Variants in MAFF observed in about 807,000 individuals in gnomAD.
MAFF encodes MAF bZIP transcription factor F.
MAFF carries 4 observed loss-of-function variants against 2.7 expected under a neutral mutation model. The observed-to-expected ratio is 1.48, with a 90% confidence interval of 0.73 to 3.39. The LOEUF is 3.39. Ranked by LOEUF, MAFF falls within the 30% of genes most tolerant of loss-of-function variation. The probability of loss-of-function intolerance (pLI) is 0.01; values close to 1 mark genes in which losing one functional copy is unlikely to be tolerated. For synonymous variants in MAFF, 113 were observed against 119.4 expected (o/e 0.95, Z 0.35); for missense variants, 190 against 246.6 (o/e 0.77, Z 1.54).
At position 38,214,864 on chromosome 22, in the gene MAFF, G is replaced by A; in HGVS notation, c.481G>A (p.Ala161Thr). The change falls in exon 3 of 3, where the codon GCC becomes ACC. Residue 161 changes from alanine (A) to threonine (T), a missense_variant. By Grantham distance (58) the Ala-to-Thr change is moderately conservative. Coordinates refer to ENST00000338483, the MANE Select transcript of MAFF (RefSeq NM_012323.4). This position sits in a 1 kb window ranked among gnomAD's most constrained non-coding sequence, Gnocchi z 6.3. ...CGGCCCGGACCCCGCCCACGGCCCG[G>A]CCTCCTGCTCCTAGTGCCCGCCCCC... ...AHGPDPAHGPASCS is the reference protein window; with the variant it reads ...AHGPDPAHGPTSCS 1 of 1,510,690 alleles carries A rather than the reference G, an allele frequency of 6.6e-7. No individual in the cohort carries two copies. The highest frequency in any genetic ancestry group is 1.2e-5 in the South Asian group (1 of 80,676). 93.6% of individuals were successfully genotyped at this position (1,510,690 alleles called of 1,614,324 possible).
Position 38,202,249 on chromosome 22 carries a change from C to A in MAFF, c.-32+37C>A, listed in dbSNP as rs1393540681. On this transcript the variant is annotated intron_variant, in intron 1 of 2. Transcript: ENST00000338483. The surrounding 1 kb of genome is among the most constrained non-coding windows in gnomAD (Gnocchi z 7.4). The stretch of plus-strand genomic sequence containing the variant: ...GGGACCAGGAGGACGGTGCGCGGGA[C>A]CCCAAGGCGGCAGGGTTTCTGCGTC... 1 of 152,262 alleles carries A rather than the reference C, an allele frequency of 6.6e-6. No homozygotes were observed. Among genetic ancestry groups the A allele is most frequent in the Non-Finnish European group, 1.5e-5 (1 of 68,098 alleles). The allele number at this position is 152,262 out of a possible 1,614,324, so 9.4% of individuals were successfully genotyped here.
At chr22:38,212,828 T>C (rs929315794) in intron 1 of MAFF, among the ~76,000 whole-genome samples, 4 of 152,126 alleles carry the variant, frequency 2.6e-5, no homozygotes, top group African/African-American at 9.7e-5. Flanking sequence ...GGTGCACATA[T>C]GCTGTGTGTA....
intron 1 of MAFF, among the ~76,000 whole-genome samples, chr22:38,209,281 G>A (rs1446138033): frequency 6.6e-6 from 1 of 151,802 alleles, no homozygotes; most frequent in Non-Finnish European, 1.5e-5. Flanking sequence ...TAGCCAGGAT[G>A]GTCTCAATCT....
Position 38,216,087 on chromosome 22 carries a change from A to G in MAFF, c.*1209A>G, listed in dbSNP as rs951554031. ...GAAAGCCGGAGAGCAACAACAAAAAATGTTTAAGCCGGGCGCGGTGGCTCA... is the reference window on the plus strand; with the variant it reads ...GAAAGCCGGAGAGCAACAACAAAAAGTGTTTAAGCCGGGCGCGGTGGCTCA... On this transcript the variant is annotated 3_prime_UTR_variant, in exon 3 of 3. Transcript: ENST00000338483. 15 of 167,056 alleles carry G rather than the reference A, an allele frequency of 9.0e-5. No individual in the cohort carries two copies. Among genetic ancestry groups the G allele is most frequent in the Non-Finnish European group, 2.2e-4 (15 of 68,136 alleles). 10.3% of individuals were successfully genotyped at this position (167,056 alleles called of 1,614,324 possible).
At position 38,215,022 on chromosome 22, in the gene MAFF, C is replaced by A; in HGVS notation, c.*144C>A. ...CACACATTCCCTTCGTGGGCCCTGTCTTCCTCTTGCAGCCCCCCAAACTGG... is the reference window on the plus strand; with the variant it reads ...CACACATTCCCTTCGTGGGCCCTGTATTCCTCTTGCAGCCCCCCAAACTGG... On this transcript the variant is annotated 3_prime_UTR_variant, in exon 3 of 3. Transcript: ENST00000338483. 1 of 670,056 alleles carries A rather than the reference C, an allele frequency of 1.5e-6. No individual in the cohort carries two copies. Among genetic ancestry groups the A allele is most frequent in the South Asian group, 1.7e-5 (1 of 57,406 alleles). 41.5% of individuals were successfully genotyped at this position (670,056 alleles called of 1,614,324 possible). A position where few individuals can be genotyped will look rare whatever the true frequency, so the allele number is the denominator to read the frequency against.
chr22:38,204,704 G>T (rs1296889191), intron 1 of MAFF, among the ~76,000 whole-genome samples: 5 of 152,208 alleles, frequency 3.3e-5, no homozygotes, highest in African/African-American at 1.2e-4. Context: ...CTGCCCGCTT[G>T]TCCCTTTGGG....
At chr22:38,210,173 G>A (rs1364715918) in intron 1 of MAFF, among the ~76,000 whole-genome samples, 1 of 152,186 alleles carries the variant, frequency 6.6e-6, no homozygotes, top group Non-Finnish European at 1.5e-5. Context: ...TCCTGACCTG[G>A]CACTCTGGGT....
Position 38,214,572 on chromosome 22 carries a change from C to G in MAFF, c.189C>G (p.Gly63=), listed in dbSNP as rs751863340. 1.1e-5 allele frequency: 17 copies of G among 1,601,686 alleles called. No individual in the cohort carries two copies. The highest frequency in any genetic ancestry group is 1.4e-5 in the Non-Finnish European group (17 of 1,175,272). ...GGCGCCGCACACTCAAAAACCGTGG[C>G]TACGCCGCCAGCTGCCGCGTGAAGC... ...KQRRRTLKNR[G]YAASCRVKRV... The change falls in exon 3 of 3, where the codon GGC becomes GGG. Residue 63 remains glycine, a synonymous_variant. Transcript: ENST00000338483. The surrounding 1 kb of genome is among the most constrained non-coding windows in gnomAD (Gnocchi z 6.3).
chr22:38,216,419 A>C lies in MAFF; in HGVS notation c.*1541A>C, dbSNP rs975941904. 4 of 167,008 alleles carry C rather than the reference A, an allele frequency of 2.4e-5. No homozygotes were observed. Among genetic ancestry groups the C allele is most frequent in the African/African-American group, 9.7e-5 (4 of 41,432 alleles). The allele number at this position is 167,008 out of a possible 1,614,324, so 10.3% of individuals were successfully genotyped here. On this transcript the variant is annotated 3_prime_UTR_variant, in exon 3 of 3. Coordinates refer to ENST00000338483, the MANE Select transcript of MAFF (RefSeq NM_012323.4). ...ATTGCCCGGCTCCTAGAATTTATTTATTTCCTGACTTACAGCAAGCGAGTT... is the reference window on the plus strand; with the variant it reads ...ATTGCCCGGCTCCTAGAATTTATTTCTTTCCTGACTTACAGCAAGCGAGTT...
intron 1 of MAFF, among the ~76,000 whole-genome samples, chr22:38,211,457 C>T (rs975857894): frequency 2.0e-5 from 3 of 152,134 alleles, no homozygotes; most frequent in African/African-American, 7.2e-5. Context: ...GATCTCCTGA[C>T]CTCATGATCC....
Position 38,214,380 on chromosome 22 carries a change from G to C in MAFF, c.37-40G>C, listed in dbSNP as rs760498583. On this transcript the variant is annotated intron_variant, in intron 2 of 2. Coordinates refer to ENST00000338483, the MANE Select transcript of MAFF (RefSeq NM_012323.4). This position sits in a 1 kb window ranked among gnomAD's most constrained non-coding sequence, Gnocchi z 6.3. ...CACCGCGGGTGGAGCGGGGGGGCCC[G>C]TCCCCAGTCCCCTGGACCTCAGTTT... is the stretch of plus-strand genomic sequence containing the variant. 1 of 1,521,394 alleles carries C rather than the reference G, an allele frequency of 6.6e-7. No homozygotes were observed. The highest frequency in any genetic ancestry group is 1.4e-5 in the African/African-American group (1 of 72,172). 94.2% of individuals were successfully genotyped at this position (1,521,394 alleles called of 1,614,324 possible).
At chr22:38,206,127 T>C (rs1245057702) in intron 1 of MAFF, among the ~76,000 whole-genome samples, 1 of 152,192 alleles carries the variant, frequency 6.6e-6, no homozygotes. Context: ...AGGGAATGGC[T>C]GATGGTTCCA....
Position 38,214,307 on chromosome 22 carries a change from G to C in MAFF, c.37-113G>C. 2 of 1,048,966 alleles carry C rather than the reference G, an allele frequency of 1.9e-6. No individual in the cohort carries two copies. The highest frequency in any genetic ancestry group is 3.3e-5 in the South Asian group (2 of 60,418). The allele number at this position is 1,048,966 out of a possible 1,614,324, so 65.0% of individuals were successfully genotyped here. The stretch of plus-strand genomic sequence containing the variant: ...GATTCCTGCTCCCCTTCGGGGTTTT[G>C]GATCAAGTCCACCCACCACCTCGGC... On this transcript the variant is annotated intron_variant, in intron 2 of 2. Coordinates refer to ENST00000338483, the MANE Select transcript of MAFF (RefSeq NM_012323.4). This position sits in a 1 kb window ranked among gnomAD's most constrained non-coding sequence, Gnocchi z 6.3.
rs561556394 is a variant in MAFF, at chr22:38,213,901, G to C, written c.36+12G>C. ...GCAAAGCTCTAAAGGTGAGGAGGCA[G>C]CCTCTGTCAACCCAGTGAAGCCCTC... On this transcript the variant is annotated intron_variant, in intron 2 of 2. Coordinates refer to ENST00000338483, the MANE Select transcript of MAFF (RefSeq NM_012323.4). 2.5e-6 allele frequency: 4 copies of C among 1,614,112 alleles called. No homozygotes were observed. In the Admixed American group the frequency reaches 5.0e-5, roughly 20 times the overall value.
At chr22:38,211,956 G>C (rs1490464115) in intron 1 of MAFF, among the ~76,000 whole-genome samples, 2 of 152,124 alleles carry the variant, frequency 1.3e-5, no homozygotes, top group African/African-American at 4.8e-5. Context: ...GGATGCTACA[G>C]CTCAGATCAC....
chr22:38,213,176 CAAAA>C (rs57782814), intron 1 of MAFF, among the ~76,000 whole-genome samples: 23 of 114,110 alleles, frequency 2.0e-4, no homozygotes, highest in Non-Finnish European at 3.4e-4. Context: ...GACTCTGTCT[CAAAA>C]AAAAAAAAAA....
At chr22:38,208,856 T>G (rs1255299728) in intron 1 of MAFF, among the ~76,000 whole-genome samples, 3 of 151,138 alleles carry the variant, frequency 2.0e-5, no homozygotes, top group Admixed American at 2.0e-4. Context: ...AGAAATATCA[T>G]GGGGTGGGAG....
intron 1 of MAFF, among the ~76,000 whole-genome samples, chr22:38,209,813 CAAAAAAAAAA>C (rs398037113): frequency 1.3e-5 from 1 of 76,470 alleles, no homozygotes; most frequent in South Asian, 5.8e-4. Context: ...GACTCCATCT[CAAAAAAAAAA>C]AAAAAAAAAA....
In MAFF at chr22:38,214,743, C is replaced by G. The variant is rs1039538596; in HGVS notation, c.360C>G (p.Ser120=). 13 of 1,410,946 alleles carry G rather than the reference C, an allele frequency of 9.2e-6. No individual in the cohort carries two copies. The Admixed American group carries it at 2.9e-4, about 31-fold the overall frequency. 87.4% of individuals were successfully genotyped at this position (1,410,946 alleles called of 1,614,324 possible). A position where few individuals can be genotyped will look rare whatever the true frequency, so the allele number is the denominator to read the frequency against. Reference sequence around the variant, plus strand: ...AGGCGCTGCAGGGCTTCGCGCGCTCCGTGGCCGCCGCCCGCGGGCCCGCCA... The same window carrying G: ...AGGCGCTGCAGGGCTTCGCGCGCTCGGTGGCCGCCGCCCGCGGGCCCGCCA... ...KCEALQGFAR[S]VAAARGPATL... The change falls in exon 3 of 3, where the codon TCC becomes TCG. Residue 120 remains serine, a synonymous_variant. Transcript: ENST00000338483. This position sits in a 1 kb window ranked among gnomAD's most constrained non-coding sequence, Gnocchi z 6.3.
Sources: allele counts gnomAD v4.1 joint callset (sites outside exome capture counted in the v4.1 genomes callset), GRCh38; gene constraint gnomAD v4.1.1; non-coding constraint Gnocchi (gnomAD v3.1); transcripts MANE v1.5; gene names NCBI Gene and HGNC (gene_info 2026-07-23, HGNC 2026-07-21).